The following SLC22A25 variants were observed in gnomAD, a reference collection of about 807,000 sequenced individuals.
SLC22A25 encodes the protein MGI:2442751, MGI:2385316, MGI:3042283, MGI:3645714, MGI:3605624, MGI:2442750.
In SLC22A25, 44 loss-of-function variants were observed where a neutral mutation model predicts 45.9. The ratio of observed to expected loss-of-function variants is 0.96; its 90% CI spans 0.75 to 1.23. SLC22A25 has a LOEUF of 1.23. SLC22A25 is among the 50% of genes most tolerant of loss of function. The pLI, the probability that SLC22A25 is intolerant of heterozygous loss-of-function variation, is 0.00. For missense variants in SLC22A25, 800 were observed against 666.4 expected, an observed-to-expected ratio of 1.20 and a Z score of -2.21; for synonymous variants, 283 against 238.6, an observed-to-expected ratio of 1.19 and a Z score of -1.72.
At chr11:63,193,824 A>G (rs1222292005) in intron 7 of SLC22A25, among the ~76,000 whole-genome samples, 1 of 152,228 alleles carries the variant, frequency 6.6e-6, no homozygotes, top group African/African-American at 2.4e-5. Flanking sequence ...TGATGAGTTG[A>G]CAGAAGTAGG....
chr11:63,241,697 C>T (rs1390141407), intron 1 of SLC22A25, among the ~76,000 whole-genome samples: 1 of 152,192 alleles, frequency 6.6e-6, no homozygotes, highest in African/African-American at 2.4e-5. Flanking sequence ...CTAAGTTTTA[C>T]TTTTCCCATA....
At position 63,160,350 on chromosome 11, in the gene SLC22A25, C is replaced by CAG. The variant is rs1331731509; in HGVS notation, c.*3472_*3473dup. Among the ~76,000 whole-genome samples, 1 of 152,196 alleles carries CAG rather than the reference C, an allele frequency of 6.6e-6. No individual in the cohort carries two copies. Among genetic ancestry groups the CAG allele is most frequent in the Non-Finnish European group, 1.5e-5 (1 of 68,034 alleles). On this transcript the variant is annotated 3_prime_UTR_variant, in exon 12 of 12. Transcript: ENST00000306494. ...GCCATGGCTAAAAGGGGCCAAGGTACAGATCAGGCTGTGGCTTCAGAGGGT... is the reference window on the plus strand; with the variant it reads ...GCCATGGCTAAAAGGGGCCAAGGTACAGAGATCAGGCTGTGGCTTCAGAGGGT...
intron 7 of SLC22A25, among the ~76,000 whole-genome samples, chr11:63,199,751 G>A (rs1169445649): frequency 6.6e-6 from 1 of 151,890 alleles, no homozygotes; most frequent in African/African-American, 2.4e-5. Flanking sequence ...AATGCAGCAA[G>A]ACAACCCTAA....
chr11:63,188,199 A>G (rs562276612), intron 7 of SLC22A25, among the ~76,000 whole-genome samples: 1 of 152,220 alleles, frequency 6.6e-6, no homozygotes, highest in African/African-American at 2.4e-5. Context: ...TTGGTAAGCT[A>G]TTGATTATTG....
intron 7 of SLC22A25, among the ~76,000 whole-genome samples, chr11:63,195,141 A>C (rs930868049): frequency 6.6e-6 from 1 of 152,066 alleles, no homozygotes; most frequent in African/African-American, 2.4e-5. Context: ...TTAGACTCCC[A>C]CACAATAATA....
chr11:63,213,164 G>A (rs749328082), intron 7 of SLC22A25, among the ~76,000 whole-genome samples: 18 of 152,278 alleles, frequency 1.2e-4, no homozygotes, highest in East Asian at 1.9e-4. Flanking sequence ...GGATTCTGCC[G>A]AATCTGGATT....
chr11:63,203,314 A>G (rs771256682), intron 7 of SLC22A25, among the ~76,000 whole-genome samples: 4 of 152,058 alleles, frequency 2.6e-5, no homozygotes, highest in Non-Finnish European at 5.9e-5. Context: ...AGCTTGACAA[A>G]TGGACAGAAG....
At chr11:63,180,379 A>G (rs1297968997) in intron 9 of SLC22A25, among the ~76,000 whole-genome samples, 1 of 152,166 alleles carries the variant, frequency 6.6e-6, no homozygotes, top group African/African-American at 2.4e-5. Flanking sequence ...GAAACAAATG[A>G]AGAAACTTTG....
chr11:63,194,335 G>A (rs942427886), intron 7 of SLC22A25, among the ~76,000 whole-genome samples: 7 of 152,088 alleles, frequency 4.6e-5, no homozygotes, highest in Admixed American at 4.6e-4. Context: ...TACTCCTCAA[G>A]AAGAGCAACC....
intron 9 of SLC22A25, among the ~76,000 whole-genome samples, chr11:63,177,540 T>A (rs578208220): frequency 6.6e-6 from 1 of 151,944 alleles, no homozygotes; most frequent in East Asian, 1.9e-4. Flanking sequence ...CATTAGCTCA[T>A]CCTTCTTAAT....
chr11:63,229,140 G>T, intron 4 of SLC22A25, 111 bp downstream of exon 4: 1 of 1,139,632 alleles, frequency 8.8e-7, no homozygotes, highest in Non-Finnish European at 1.2e-6. Flanking sequence ...TTTCCTGAAA[G>T]AATGAAGAAT....
At chr11:63,201,195 G>T (rs931836962) in intron 7 of SLC22A25, among the ~76,000 whole-genome samples, 1 of 152,030 alleles carries the variant, frequency 6.6e-6, no homozygotes, top group Non-Finnish European at 1.5e-5. Flanking sequence ...GAACAGCCAA[G>T]ACAATCCTAA....
At chr11:63,230,699 G>A (rs1006942606) in intron 3 of SLC22A25, among the ~76,000 whole-genome samples, 6 of 152,002 alleles carry the variant, frequency 3.9e-5, no homozygotes, top group Middle Eastern at 3.2e-3. Flanking sequence ...TGTGCACAAC[G>A]TGCAGATTTG....
intron 3 of SLC22A25, among the ~76,000 whole-genome samples, chr11:63,233,807 A>G (rs1040571681): frequency 5.9e-5 from 9 of 152,124 alleles, no homozygotes; most frequent in Non-Finnish European, 1.2e-4. Context: ...ACTGCTTTGA[A>G]TGTGTCCCAG....
intron 7 of SLC22A25, among the ~76,000 whole-genome samples, chr11:63,202,932 C>G (rs111698921): frequency 0.011 from 1,634 of 152,248 alleles, 18 homozygotes; most frequent in African/African-American, 0.025. Context: ...GGCAGGTGCC[C>G]CTCTGGGATG....
intron 7 of SLC22A25, among the ~76,000 whole-genome samples, chr11:63,196,929 G>A (rs892718180): frequency 3.3e-5 from 5 of 152,050 alleles, no homozygotes; most frequent in Non-Finnish European, 5.9e-5. Flanking sequence ...AAATCAATGT[G>A]CAAAAATCAC....
chr11:63,166,584 A>T, intron 9 of SLC22A25: 2 of 1,046,314 alleles, frequency 1.9e-6, no homozygotes, highest in Non-Finnish European at 2.3e-6. Context: ...CTGCAAAAAA[A>T]TTCACAGTAA....
chr11:63,207,625 T>C (rs1340611997), intron 7 of SLC22A25, among the ~76,000 whole-genome samples: 3 of 152,148 alleles, frequency 2.0e-5, no homozygotes, highest in African/African-American at 7.2e-5. Flanking sequence ...AACTCAGCTG[T>C]ATGTAAGAAA....
chr11:63,219,893 AC>A, intron 5 of SLC22A25: 1 of 1,281,936 alleles, frequency 7.8e-7, no homozygotes. Context: ...TTTAAGTGTT[AC>A]TTTTACTGTC....
Sources: gnomAD v4.1 joint callset for allele counts (sites outside exome capture counted in the v4.1 genomes callset) on GRCh38, gnomAD v4.1.1 for gene constraint, MANE v1.5 for transcripts, NCBI Gene and HGNC (gene_info 2026-07-23, HGNC 2026-07-21) for gene names.